EPB42: variants seen among roughly 807,000 people sequenced by gnomAD.
EPB42 encodes the protein protein 4.2.
In EPB42, 49 loss-of-function variants were observed where a neutral mutation model predicts 76.9. The ratio of observed to expected loss-of-function variants is 0.64; its 90% confidence interval spans 0.51 to 0.81. The LOEUF (loss-of-function observed/expected upper bound fraction) is 0.81, where lower values mean the gene tolerates loss of function less well. Among genes scored for constraint, EPB42 ranks in the 30% least tolerant of loss-of-function variants. The pLI is 0.00. For missense variants in EPB42, 731 were observed against 867.6 expected, an observed-to-expected ratio of 0.84 and a Z score of 1.98; for synonymous variants, 310 against 338.4, an observed-to-expected ratio of 0.92 and a Z score of 0.92.
intron 4 of EPB42, among the ~76,000 whole-genome samples, chr15:43,210,979 G>C (rs532702400): frequency 1.3e-5 from 2 of 152,280 alleles, no homozygotes; most frequent in African/African-American, 2.4e-5. Flanking sequence ...GGAAGGCTTC[G>C]AGAAGGTCTT....
Position 43,201,861 on chromosome 15 carries a change from GTGAA to G in EPB42, c.1892_1895del (p.Ile631ThrfsTer45). 2 of 1,614,182 alleles carry G rather than the reference GTGAA, an allele frequency of 1.2e-6. No homozygotes were observed. The highest frequency in any genetic ancestry group is 1.7e-6 in the Non-Finnish European group (2 of 1,180,030). Reference sequence around the variant, plus strand: ...TCACTTACCTGTAGCTCCTCTCTCTGTGAATGAGCCCCCTTCCCAGGATGGAGAT... The same window carrying G: ...TCACTTACCTGTAGCTCCTCTCTCTGTGAGCCCCCTTCCCAGGATGGAGAT... On this transcript the variant is annotated frameshift_variant, in exon 12 of 13. Transcript: ENST00000441366. LOFTEE classifies it high-confidence loss of function.
chr15:43,209,084 C>T (rs2042251589), intron 6 of EPB42, among the ~76,000 whole-genome samples, 190 bp downstream of exon 6: 1 of 152,166 alleles, frequency 6.6e-6, no homozygotes, highest in African/African-American at 2.4e-5. Context: ...CAAATGAGCC[C>T]AACTTTGCTG....
intron 10 of EPB42, among the ~76,000 whole-genome samples, chr15:43,204,292 C>G (rs749598631): frequency 2.0e-5 from 3 of 152,108 alleles, no homozygotes; most frequent in Non-Finnish European, 4.4e-5. Context: ...GACTATTTGA[C>G]CTCCCTTACT....
chr15:43,210,391 T>C lies in EPB42; in HGVS notation c.598A>G (p.Lys200Glu), dbSNP rs2042275794. Residue 200 changes from lysine to glutamate, a missense_variant, in exon 5 of 13, where the codon AAG becomes GAG. Physicochemically the swap from Lys to Glu is moderately conservative, Grantham distance 56 (BLOSUM62 1). Transcript: ENST00000441366. ...DLSLRLLSKD[K>E]QVEKWSQPVH... ...GGCTGGCTCCACTTCTCTACCTGCT[T>C]GTCCTTGCTCAGCAAGCGCAGGCTG... 6.2e-7 allele frequency: 1 copy of C among 1,613,832 alleles called. No homozygotes were observed. Among genetic ancestry groups the C allele is most frequent in the Non-Finnish European group, 8.5e-7 (1 of 1,180,008 alleles).
upstream of EPB42, among the ~76,000 whole-genome samples, chr15:43,225,334 G>C (rs1439525355): frequency 6.6e-6 from 1 of 152,194 alleles, no homozygotes; most frequent in Non-Finnish European, 1.5e-5. Context: ...AACTTTTAGG[G>C]GAAAGAAAAG....
intron 1 of EPB42, 150 bp downstream of exon 1, chr15:43,220,666 A>ACCC: frequency 8.0e-6 from 2 of 251,138 alleles, no homozygotes; most frequent in South Asian, 2.6e-5. Context: ...CCCCACAGCC[A>ACCC]CCTCATTATC....
chr15:43,212,808 G>A (rs1274683279), intron 3 of EPB42, among the ~76,000 whole-genome samples: 1 of 152,218 alleles, frequency 6.6e-6, no homozygotes, highest in African/African-American at 2.4e-5. Flanking sequence ...AGAAGCAGGA[G>A]GGCAACTGCT....
chr15:43,208,455 G>A, intron 7 of EPB42, 122 bp from the exon 8 acceptor site: 1 of 1,391,796 alleles, frequency 7.2e-7, no homozygotes, highest in South Asian at 1.2e-5. Context: ...GTGTCAAAGT[G>A]GCTGTGGCAC....
chr15:43,217,041 G>A (rs1000296524), intron 1 of EPB42, among the ~76,000 whole-genome samples: 3 of 152,158 alleles, frequency 2.0e-5, no homozygotes, highest in African/African-American at 7.2e-5. Context: ...CACGGAGGTG[G>A]CTCAAGAGTA....
At chr15:43,207,069 G>A in intron 9 of EPB42, 130 bp downstream of exon 9, 1 of 1,392,402 alleles carries the variant, frequency 7.2e-7, no homozygotes, top group African/African-American at 1.4e-5. Context: ...GTCAAATGGG[G>A]TTGAGAAACC....
At chr15:43,212,863 G>C (rs935315998) in intron 3 of EPB42, among the ~76,000 whole-genome samples, 6 of 152,140 alleles carry the variant, frequency 3.9e-5, no homozygotes, top group Non-Finnish European at 8.8e-5. Context: ...GAGTGGACAG[G>C]GGTTAGACTA....
chr15:43,223,771 C>T (rs372984387), upstream of EPB42, among the ~76,000 whole-genome samples: 4 of 151,980 alleles, frequency 2.6e-5, no homozygotes, highest in East Asian at 3.9e-4. Context: ...GTCAGGAGTT[C>T]GAAACCAGCC....
rs1391252581 is a variant in EPB42, at chr15:43,215,282, A to G, written c.243T>C (p.Ile81=). Residue 81 remains isoleucine (I), a synonymous_variant, in exon 3 of 13, where the codon ATT becomes ATC. Transcript: ENST00000441366. ...KINRTQATFP[I]SSLGDRKWWS... is the part of the protein sequence containing the mutation. ...ACCACTTTCGGTCCCCCAGACTGGA[A>G]ATTGGGAATGTGGCTTGGGTCCTGT... 1.2e-6 allele frequency: 2 copies of G among 1,614,168 alleles called. No homozygotes were observed. Among genetic ancestry groups the G allele is most frequent in the East Asian group, 4.5e-5 (2 of 44,884 alleles).
chr15:43,210,865 G>A (rs2042285048), intron 4 of EPB42, among the ~76,000 whole-genome samples: 1 of 152,220 alleles, frequency 6.6e-6, no homozygotes, highest in African/African-American at 2.4e-5. Flanking sequence ...GACACGCAGT[G>A]CAGCCCCTTA....
chr15:43,205,738 G>A (rs1312595941), intron 10 of EPB42, among the ~76,000 whole-genome samples: 1 of 152,140 alleles, frequency 6.6e-6, no homozygotes, highest in Non-Finnish European at 1.5e-5. Context: ...TGAGATGCAG[G>A]CTGAGCATCA....
In EPB42 at chr15:43,207,091, G is replaced by A. The variant is rs2042215476; in HGVS notation, c.1318+108C>T. ...GGGGTTGAGAAACCCTGTTTTATAT[G>A]ATGCGGAAAGGACAAGTCTCTTTCT... On this transcript the variant is annotated intron_variant, in intron 9 of 12. Transcript: ENST00000441366. 20 of 1,522,796 alleles carry A rather than the reference G, an allele frequency of 1.3e-5. No homozygotes were observed. In the South Asian group the frequency reaches 2.2e-4, roughly 17 times the overall value. 94.3% of individuals were successfully genotyped at this position (1,522,796 alleles called of 1,614,324 possible). A position where few individuals can be genotyped will look rare whatever the true frequency, so the allele number is the denominator to read the frequency against.
upstream of EPB42, among the ~76,000 whole-genome samples, chr15:43,225,710 T>C (rs1422478884): frequency 1.3e-5 from 2 of 152,118 alleles, no homozygotes; most frequent in African/African-American, 4.8e-5. Context: ...TGCCAAATGC[T>C]GTAAAAAAGA....
intron 11 of EPB42, among the ~76,000 whole-genome samples, chr15:43,202,774 C>T (rs1470117408): frequency 1.3e-5 from 2 of 152,158 alleles, no homozygotes; most frequent in Non-Finnish European, 2.9e-5. Context: ...GGGAACAGTT[C>T]TACCTCACAG....
rs565324675 is a variant in EPB42 at position 43,201,016 on chromosome 15, G to C, written c.1913+828C>G. ...ATTTTAGTAGAGACGGTGTTTCACT[G>C]TGTTAGCCAGGATGGTCTCGATCCT... On this transcript the variant is annotated intron_variant, in intron 12 of 12. Transcript: ENST00000441366. 3.3e-4 allele frequency among the ~76,000 whole-genome samples: 50 copies of C among 152,240 alleles called. 1 individual carries two copies. The highest frequency in any genetic ancestry group is 1.1e-3 in the African/African-American group (47 of 41,526).
Sources: gnomAD v4.1 joint callset for allele counts (sites outside exome capture counted in the v4.1 genomes callset) on GRCh38, gnomAD v4.1.1 for gene constraint, MANE v1.5 for transcripts, NCBI Gene and HGNC (gene_info 2026-07-23, HGNC 2026-07-21) for gene names.